COMMD10: variants seen among roughly 807,000 people sequenced by gnomAD.
COMMD10 encodes COMM domain-containing protein 10.
A neutral mutation model predicts 28.9 loss-of-function variants in COMMD10; 33 were observed. The ratio of observed to expected loss-of-function variants is 1.14; its 90% CI spans 0.87 to 1.53. The LOEUF is 1.53. COMMD10 is among the 40% of genes most tolerant of loss of function. COMMD10 has a pLI of 0.00. For synonymous variants in COMMD10, 110 were observed against 81.7 expected, an observed-to-expected ratio of 1.35 and a Z score of -1.87; for missense variants, 310 against 233.4, an observed-to-expected ratio of 1.33 and a Z score of -2.14.
Position 116,275,682 on chromosome 5 carries a change from A to C in COMMD10, c.511-15835A>C, listed in dbSNP as rs753302656. ...TGTTCTGTATAAATCAAAGCACCAGAACATATCTGATGGCTTAATTTGCAC... is the reference window on the plus strand; with the variant it reads ...TGTTCTGTATAAATCAAAGCACCAGCACATATCTGATGGCTTAATTTGCAC... On this transcript the variant is annotated intron_variant, in intron 5 of 6. Transcript: ENST00000274458. Among the ~76,000 whole-genome samples the C allele has an allele frequency of 2.6e-5, 4 of 151,746 alleles. No homozygotes were observed. In the East Asian group the frequency reaches 7.7e-4, roughly 29 times the overall value.
At chr5:116,086,409 C>T (rs1750098076) in intron 1 of COMMD10, among the ~76,000 whole-genome samples, 1 of 152,154 alleles carries the variant, frequency 6.6e-6, no homozygotes, top group South Asian at 2.1e-4. Flanking sequence ...GGTGCTGTGG[C>T]TCATGCCTGT....
intron 5 of COMMD10, among the ~76,000 whole-genome samples, chr5:116,162,553 T>G (rs1426736427): frequency 6.6e-6 from 1 of 152,218 alleles, no homozygotes; most frequent in Non-Finnish European, 1.5e-5. Context: ...ATAAGTGATA[T>G]ATCTATATAT....
chr5:116,141,877 TC>T (rs1366394113), intron 5 of COMMD10, among the ~76,000 whole-genome samples: 1 of 151,926 alleles, frequency 6.6e-6, no homozygotes, highest in Non-Finnish European at 1.5e-5. Flanking sequence ...TTTTAAGGGT[TC>T]TTTTTCTTTA....
At chr5:116,134,866 C>G (rs1224538542) in intron 5 of COMMD10, among the ~76,000 whole-genome samples, 1 of 152,090 alleles carries the variant, frequency 6.6e-6, no homozygotes, top group Non-Finnish European at 1.5e-5. Context: ...TGTGATCCAC[C>G]CCCCTCAGCC....
chr5:116,245,480 A>G (rs1402256344), intron 5 of COMMD10, among the ~76,000 whole-genome samples: 2 of 152,042 alleles, frequency 1.3e-5, no homozygotes, highest in African/African-American at 4.8e-5. Flanking sequence ...CTCCTCCCTA[A>G]CTCATCCTGT....
chr5:116,199,628 T>G (rs889439599), intron 5 of COMMD10, among the ~76,000 whole-genome samples: 38 of 152,216 alleles, frequency 2.5e-4, no homozygotes, highest in African/African-American at 8.4e-4. Context: ...ATGCTCCCTC[T>G]TTATGTAGAT....
intron 5 of COMMD10, among the ~76,000 whole-genome samples, chr5:116,149,893 G>T (rs932278586): frequency 4.6e-5 from 7 of 151,352 alleles, no homozygotes; most frequent in Non-Finnish European, 8.8e-5. Flanking sequence ...GTCTTTTGTT[G>T]CCATTGCTTT....
intron 5 of COMMD10, among the ~76,000 whole-genome samples, chr5:116,139,903 T>C (rs1752141085): frequency 2.0e-5 from 3 of 151,930 alleles, no homozygotes; most frequent in Admixed American, 6.6e-5. Flanking sequence ...TTAAAGCACG[T>C]AAAATCTATT....
At chr5:116,114,506 C>G (rs758400852) in intron 4 of COMMD10, among the ~76,000 whole-genome samples, 7 of 152,112 alleles carry the variant, frequency 4.6e-5, no homozygotes, top group Non-Finnish European at 8.8e-5. Context: ...ACTCTGTCCC[C>G]TGGGAGAAGT....
At chr5:116,204,151 A>G (rs1464209583) in intron 5 of COMMD10, among the ~76,000 whole-genome samples, 1 of 152,132 alleles carries the variant, frequency 6.6e-6, no homozygotes, top group Non-Finnish European at 1.5e-5. Context: ...GAAGGCCATT[A>G]CATCATGGTA....
At chr5:116,241,060 T>C (rs1393608929) in intron 5 of COMMD10, among the ~76,000 whole-genome samples, 1 of 152,202 alleles carries the variant, frequency 6.6e-6, no homozygotes, top group East Asian at 1.9e-4. Context: ...GACTAGTTTA[T>C]GGTCCTTGGG....
At chr5:116,176,672 G>A (rs4563665) in intron 5 of COMMD10, among the ~76,000 whole-genome samples, 3,313 of 152,002 alleles carry the variant, frequency 0.022, 122 homozygotes, top group African/African-American at 0.077. Flanking sequence ...CTCTTAATGG[G>A]TGGCTTACTT....
chr5:116,287,426 A>G (rs539848086), intron 5 of COMMD10, among the ~76,000 whole-genome samples: 2 of 151,648 alleles, frequency 1.3e-5, no homozygotes, highest in Non-Finnish European at 2.9e-5. Flanking sequence ...TTTACACGGG[A>G]TATCTTTTTC....
At chr5:116,134,952 T>C (rs1561622825) in intron 5 of COMMD10, among the ~76,000 whole-genome samples, 1 of 152,154 alleles carries the variant, frequency 6.6e-6, no homozygotes, top group Non-Finnish European at 1.5e-5. Flanking sequence ...GGATTTTACT[T>C]TATTATTAAT....
At chr5:116,272,699 A>G (rs943664015) in intron 5 of COMMD10, among the ~76,000 whole-genome samples, 2 of 151,722 alleles carry the variant, frequency 1.3e-5, no homozygotes, top group Non-Finnish European at 2.9e-5. Context: ...ACTCATTTAA[A>G]TTTTCATTGA....
chr5:116,199,621 C>T (rs1436314543), intron 5 of COMMD10, among the ~76,000 whole-genome samples: 6 of 152,116 alleles, frequency 3.9e-5, no homozygotes, highest in African/African-American at 9.7e-5. Flanking sequence ...TTCCCTAATG[C>T]TCCCTCTTTA....
At chr5:116,149,148 A>T (rs7719976) in intron 5 of COMMD10, among the ~76,000 whole-genome samples, 132,884 of 147,402 alleles carry the variant, frequency 0.9, 60,070 homozygotes, top group African/African-American at 0.94. Context: ...GAATGATGAT[A>T]TCCAATTTCA....
intron 5 of COMMD10, among the ~76,000 whole-genome samples, chr5:116,216,300 C>T (rs775204273): frequency 3.9e-5 from 6 of 152,204 alleles, no homozygotes; most frequent in Admixed American, 2.0e-4. Context: ...TGTATGTTAA[C>T]AAAAGGTAGA....
intron 5 of COMMD10, among the ~76,000 whole-genome samples, chr5:116,143,288 A>G (rs995496664): frequency 6.6e-6 from 1 of 151,604 alleles, no homozygotes; most frequent in African/African-American, 2.4e-5. Context: ...AAGCTAACAA[A>G]AATACTGTTT....
Sources: gnomAD v4.1 joint callset for allele counts (sites outside exome capture counted in the v4.1 genomes callset) on GRCh38, gnomAD v4.1.1 for gene constraint, MANE v1.5 for transcripts, NCBI Gene and HGNC (gene_info 2026-07-23, HGNC 2026-07-21) for gene names.